Variants in CCSER2 observed in about 807,000 individuals in gnomAD.
CCSER2 encodes coiled-coil serine rich protein 2.
In CCSER2, 46 loss-of-function variants were observed where a neutral mutation model predicts 92.3. The observed-to-expected ratio is 0.50, with a 90% CI of 0.39 to 0.64. CCSER2 has a LOEUF of 0.64. Ranked by LOEUF, CCSER2 falls within the 30% of genes least tolerant of loss-of-function variation. The probability of loss-of-function intolerance (pLI) is 0.00; values close to 1 mark genes in which losing one functional copy is unlikely to be tolerated. For missense variants in CCSER2, 1,244 were observed against 1,238.9 expected, an observed-to-expected ratio of 1.00 and a Z score of -0.06; for synonymous variants, 433 against 431.4, an observed-to-expected ratio of 1.00 and a Z score of -0.04.
intron 3 of CCSER2, chr10:84,391,078 A>G: frequency 2.6e-6 from 2 of 779,834 alleles, no homozygotes; most frequent in Non-Finnish European, 4.8e-6. Context: ...ATATATTCAG[A>G]TGCTAATGCC....
intron 5 of CCSER2, among the ~76,000 whole-genome samples, chr10:84,438,146 T>C (rs918501212): frequency 2.0e-5 from 3 of 152,198 alleles, no homozygotes; most frequent in African/African-American, 7.2e-5. Context: ...GTGTGCAATT[T>C]AAGAAGTTAA....
chr10:84,369,405 C>T (rs1845949652), intron 1 of CCSER2, among the ~76,000 whole-genome samples: 1 of 151,870 alleles, frequency 6.6e-6, no homozygotes, highest in Non-Finnish European at 1.5e-5. Context: ...TTTGCACGTC[C>T]CTGATGATTA....
intron 7 of CCSER2, among the ~76,000 whole-genome samples, chr10:84,468,958 A>G (rs1846618470): frequency 1.3e-5 from 2 of 152,188 alleles, no homozygotes; most frequent in East Asian, 1.9e-4. Context: ...CTTAATATTT[A>G]TAAAACAATA....
At chr10:84,358,618 C>G (rs1845317117) in intron 1 of CCSER2, among the ~76,000 whole-genome samples, 1 of 148,206 alleles carries the variant, frequency 6.7e-6, no homozygotes, top group Admixed American at 6.8e-5. Context: ...CAGTGAGACC[C>G]TATCTAAATA....
At chr10:84,438,839 T>C (rs1844348898) in intron 6 of CCSER2, 132 bp downstream of exon 6, 2 of 561,088 alleles carry the variant, frequency 3.6e-6, no homozygotes, top group Non-Finnish European at 6.0e-6. Flanking sequence ...TGCTTGTAAA[T>C]AGTATATAGT....
intron 1 of CCSER2, among the ~76,000 whole-genome samples, chr10:84,335,210 T>C (rs1391296219): frequency 6.7e-6 from 1 of 149,660 alleles, no homozygotes; most frequent in African/African-American, 2.5e-5. Flanking sequence ...TTCCCCAGCA[T>C]TCTACTTCTC....
At position 84,513,988 on chromosome 10, in the gene CCSER2, A is replaced by G. The variant is rs761318541; in HGVS notation, c.2865A>G (p.Thr955=). The G allele has an allele frequency of 2.6e-6, 4 of 1,536,708 alleles. No homozygotes were observed. The highest frequency in any genetic ancestry group is 2.4e-5 in the South Asian group (2 of 84,060). The change falls in exon 10 of 10, where the codon ACA becomes ACG. Residue 955 remains threonine (T), a synonymous_variant. Coordinates refer to ENST00000372088, the MANE Select transcript of CCSER2 (RefSeq NM_001284240.2). The part of the protein sequence containing the change: ...PTCKKSPIIT[T]CNSAKLQPTS... ...GTAAAAAGTCACCAATAATCACAAC[A>G]TGTAATTCAGCAAAACTTCAGCCAA... is the stretch of plus-strand genomic sequence containing the variant.
chr10:84,419,971 T>G (rs1843058899), intron 4 of CCSER2, among the ~76,000 whole-genome samples: 2 of 152,184 alleles, frequency 1.3e-5, no homozygotes. Context: ...GGAAGAATAA[T>G]GAGACTTGAT....
chr10:84,346,512 A>G (rs1844486050), intron 1 of CCSER2, among the ~76,000 whole-genome samples: 1 of 152,196 alleles, frequency 6.6e-6, no homozygotes, highest in Non-Finnish European at 1.5e-5. Context: ...TGCTATACCT[A>G]GGGATACCCA....
intron 9 of CCSER2, among the ~76,000 whole-genome samples, chr10:84,479,693 A>T (rs192211274): frequency 6.6e-6 from 1 of 152,260 alleles, no homozygotes; most frequent in Non-Finnish European, 1.5e-5. Flanking sequence ...AGATGCTTGT[A>T]GAAACCTCCA....
intron 3 of CCSER2, among the ~76,000 whole-genome samples, chr10:84,396,933 T>C (rs1038858369): frequency 6.6e-6 from 1 of 152,234 alleles, no homozygotes; most frequent in Admixed American, 6.5e-5. Flanking sequence ...GGCATCAAGA[T>C]TGTTTCCAAT....
intron 7 of CCSER2, among the ~76,000 whole-genome samples, chr10:84,464,952 A>G (rs1180011846): frequency 1.3e-5 from 2 of 152,180 alleles, no homozygotes; most frequent in African/African-American, 2.4e-5. Flanking sequence ...TTGTATATAA[A>G]GCAATCAAAA....
intron 5 of CCSER2, among the ~76,000 whole-genome samples, chr10:84,427,714 C>T (rs1407861193): frequency 6.6e-6 from 1 of 152,140 alleles, no homozygotes; most frequent in Non-Finnish European, 1.5e-5. Context: ...GCCCAGACCT[C>T]CTTTTTTTCT....
At chr10:84,498,047 A>T (rs564068589) in intron 9 of CCSER2, among the ~76,000 whole-genome samples, 2 of 152,356 alleles carry the variant, frequency 1.3e-5, no homozygotes, top group Middle Eastern at 6.8e-3. Context: ...AGTTTCCCTG[A>T]TTCCAAGGTC....
At chr10:84,412,822 A>C (rs1012875529) in intron 3 of CCSER2, among the ~76,000 whole-genome samples, 14 of 152,232 alleles carry the variant, frequency 9.2e-5, no homozygotes, top group African/African-American at 3.4e-4. Context: ...TCTAGCAGAC[A>C]TGTAAGCCCT....
chr10:84,459,061 G>C (rs1413786414), intron 6 of CCSER2, among the ~76,000 whole-genome samples: 3 of 152,132 alleles, frequency 2.0e-5, no homozygotes, highest in Non-Finnish European at 4.4e-5. Context: ...AGACTGGAAT[G>C]CAGTGGCACG....
intron 1 of CCSER2, among the ~76,000 whole-genome samples, chr10:84,332,436 A>ATTTTTTTTTTTTTT (rs1187303667): frequency 1.8e-5 from 1 of 55,212 alleles, no homozygotes; most frequent in Non-Finnish European, 2.7e-5. Context: ...ATATATATAT[A>ATTTTTTTTTTTTTT]TTTTTTTTTT....
chr10:84,405,271 TAAA>T (rs891820981), intron 3 of CCSER2, among the ~76,000 whole-genome samples: 1 of 152,128 alleles, frequency 6.6e-6, no homozygotes, highest in Admixed American at 6.6e-5. Context: ...GTTCATATAT[TAAA>T]AAACAAAAAT....
intron 9 of CCSER2, among the ~76,000 whole-genome samples, chr10:84,510,408 T>A (rs1849290895): frequency 6.6e-6 from 1 of 152,162 alleles, no homozygotes; most frequent in South Asian, 2.1e-4. Flanking sequence ...CACCATTCCT[T>A]TACCTTATTG....
Sources: allele counts gnomAD v4.1 joint callset (sites outside exome capture counted in the v4.1 genomes callset), GRCh38; gene constraint gnomAD v4.1.1; transcripts MANE v1.5; gene names NCBI Gene and HGNC (gene_info 2026-07-23, HGNC 2026-07-21).